TENM4: variants seen among roughly 807,000 people sequenced by gnomAD.
The protein encoded by TENM4 is teneurin-4.
TENM4 carries 82 observed loss-of-function variants against 243.3 expected under a neutral mutation model. The observed-to-expected ratio is 0.34, with a 90% CI of 0.28 to 0.40. The LOEUF (loss-of-function observed/expected upper bound fraction) is 0.40, where lower values mean the gene tolerates loss of function less well. Ranked by LOEUF, TENM4 falls within the 10% of genes least tolerant of loss-of-function variation. The probability of loss-of-function intolerance (pLI) is 1.00; values close to 1 mark genes in which losing one functional copy is unlikely to be tolerated. For synonymous variants in TENM4, 1,412 were observed against 1,456.3 expected, an observed-to-expected ratio of 0.97 and a Z score of 0.69; for missense variants, 3,138 against 3,673.3, an observed-to-expected ratio of 0.85 and a Z score of 3.77.
chr11:79,439,083 T>A (rs904306123), intron 1 of TENM4: 1 of 151,612 alleles, frequency 6.6e-6, no homozygotes, highest in African/African-American at 2.4e-5. Context: ...CAGATCTCTC[T>A]CCTTACTCGG....
intron 12 of TENM4, among the ~76,000 whole-genome samples, chr11:78,838,479 G>T (rs74574349): frequency 6.6e-6 from 1 of 151,852 alleles, no homozygotes; most frequent in Non-Finnish European, 1.5e-5. Context: ...AGTCCTCTTC[G>T]ACCCAGAGAT....
intron 4 of TENM4, among the ~76,000 whole-genome samples, chr11:79,131,829 A>G (rs1239531980): frequency 6.6e-6 from 1 of 152,146 alleles, no homozygotes; most frequent in African/African-American, 2.4e-5. Flanking sequence ...AATTTAAAGT[A>G]AAGGGGTGGG....
chr11:79,397,006 T>A (rs1282136375), intron 1 of TENM4, among the ~76,000 whole-genome samples: 2 of 152,176 alleles, frequency 1.3e-5, no homozygotes, highest in Non-Finnish European at 2.9e-5. Flanking sequence ...TCAAGGGGGC[T>A]TCAGAACCCA....
intron 6 of TENM4, among the ~76,000 whole-genome samples, chr11:78,907,165 T>A (rs1021503869): frequency 4.0e-5 from 6 of 151,742 alleles, no homozygotes; most frequent in Non-Finnish European, 8.8e-5. Flanking sequence ...AGCTCAGCAA[T>A]GGAAACCTCA....
At chr11:79,062,855 C>T (rs1413376137) in intron 6 of TENM4, among the ~76,000 whole-genome samples, 2 of 152,026 alleles carry the variant, frequency 1.3e-5, no homozygotes, top group East Asian at 1.9e-4. Context: ...AAGTTCAGTG[C>T]GTGGTCGGGG....
intron 1 of TENM4, among the ~76,000 whole-genome samples, chr11:79,329,854 G>T (rs1458463746): frequency 2.0e-5 from 3 of 152,156 alleles, no homozygotes; most frequent in African/African-American, 7.2e-5. Flanking sequence ...CCACGGGAAG[G>T]TTTTAAAGAA....
chr11:79,435,505 T>C (rs953308978), intron 1 of TENM4, among the ~76,000 whole-genome samples: 1 of 152,238 alleles, frequency 6.6e-6, no homozygotes, highest in African/African-American at 2.4e-5. Context: ...AGATCTAGAA[T>C]TGACATTGAT....
intron 1 of TENM4, among the ~76,000 whole-genome samples, chr11:79,371,992 G>T (rs1262104396): frequency 6.6e-6 from 1 of 152,110 alleles, no homozygotes; most frequent in Non-Finnish European, 1.5e-5. Context: ...AAGGTGTCAG[G>T]GATAGAATTT....
intron 1 of TENM4, among the ~76,000 whole-genome samples, chr11:79,303,951 G>A (rs1282725477): frequency 6.6e-6 from 1 of 152,150 alleles, no homozygotes; most frequent in African/African-American, 2.4e-5. Flanking sequence ...ATCTAAACAG[G>A]AAACCAGGGC....
Position 79,282,946 on chromosome 11 carries a change from C to T in TENM4, c.-265+14542G>A, listed in dbSNP as rs573520018. Among the ~76,000 whole-genome samples the T allele has an allele frequency of 2.6e-5, 4 of 152,268 alleles. No homozygotes were observed. The South Asian group carries it at 6.2e-4, about 24-fold the overall frequency. ...CCCTGCCCGTAAGGAAATTTTCAGGCTTCACTGCAGTGTTGTTTCTGGCAT... is the reference window on the plus strand; with the variant it reads ...CCCTGCCCGTAAGGAAATTTTCAGGTTTCACTGCAGTGTTGTTTCTGGCAT... On this transcript the variant is annotated intron_variant, in intron 2 of 33. Transcript: ENST00000278550.
intron 15 of TENM4, among the ~76,000 whole-genome samples, chr11:78,799,734 T>C (rs560474017): frequency 6.6e-6 from 1 of 152,370 alleles, no homozygotes; most frequent in South Asian, 2.1e-4. Context: ...CCACCTGTTA[T>C]TCCACAAAAC....
At chr11:78,742,849 T>C (rs1326310082) in intron 19 of TENM4, among the ~76,000 whole-genome samples, 1 of 152,116 alleles carries the variant, frequency 6.6e-6, no homozygotes, top group Admixed American at 6.6e-5. Flanking sequence ...CAACCTCAAC[T>C]GTTGCTCAGG....
intron 6 of TENM4, among the ~76,000 whole-genome samples, chr11:79,039,649 G>C (rs1191372467): frequency 2.0e-5 from 3 of 152,140 alleles, no homozygotes; most frequent in Admixed American, 2.0e-4. Flanking sequence ...CTATAATAAG[G>C]GGAGGGAGAG....
intron 6 of TENM4, among the ~76,000 whole-genome samples, chr11:78,944,014 G>T (rs1247341882): frequency 6.6e-6 from 1 of 152,200 alleles, no homozygotes; most frequent in Non-Finnish European, 1.5e-5. Flanking sequence ...ACTTTCACAT[G>T]CCTTATCTCA....
intron 15 of TENM4, among the ~76,000 whole-genome samples, chr11:78,790,478 G>A (rs919747374): frequency 6.6e-5 from 10 of 152,174 alleles, no homozygotes; most frequent in Non-Finnish European, 1.3e-4. Context: ...CTCACATCAA[G>A]TTTTACAGTT....
intron 1 of TENM4, among the ~76,000 whole-genome samples, chr11:79,365,592 G>A (rs547418857): frequency 1.5e-4 from 23 of 152,270 alleles, no homozygotes; most frequent in Admixed American, 3.3e-4. Flanking sequence ...CAGGCGCTGA[G>A]GACACAATGA....
intron 1 of TENM4, among the ~76,000 whole-genome samples, chr11:79,376,257 C>T (rs532876): frequency 0.15 from 23,577 of 152,224 alleles, 1,964 homozygotes; most frequent in East Asian, 0.27. Flanking sequence ...GGATATGAGG[C>T]ACAAAGATAG....
intron 24 of TENM4, among the ~76,000 whole-genome samples, chr11:78,721,230 A>T (rs1859643060): frequency 6.6e-6 from 1 of 152,170 alleles, no homozygotes; most frequent in Non-Finnish European, 1.5e-5. Flanking sequence ...TGCCAGTCAG[A>T]CTCATAATAG....
At chr11:79,200,522 A>T (rs942456944) in intron 3 of TENM4, among the ~76,000 whole-genome samples, 2 of 152,228 alleles carry the variant, frequency 1.3e-5, no homozygotes, top group African/African-American at 4.8e-5. Flanking sequence ...AAAGTCACAC[A>T]TCAGAGCAAT....
Sources: gnomAD v4.1 joint callset for allele counts (sites outside exome capture counted in the v4.1 genomes callset) on GRCh38, gnomAD v4.1.1 for gene constraint, MANE v1.5 for transcripts, NCBI Gene and HGNC (gene_info 2026-07-23, HGNC 2026-07-21) for gene names.